The following TRPC4 variants were observed in gnomAD, a reference collection of about 807,000 sequenced individuals.
TRPC4 encodes the protein short transient receptor potential channel 4.
In TRPC4, 49 loss-of-function variants were observed where a neutral mutation model predicts 99.4. The observed-to-expected ratio is 0.49, with a 90% CI of 0.39 to 0.63. TRPC4 has a LOEUF of 0.63. TRPC4 is among the 20% of genes least tolerant of loss of function. The pLI, the probability that TRPC4 is intolerant of heterozygous loss-of-function variation, is 0.00. For synonymous variants in TRPC4, 454 were observed against 425.9 expected (o/e 1.07, Z -0.81); for missense variants, 898 against 1,152.9 (o/e 0.78, Z 3.20).
At chr13:37,696,343 A>G (rs1188672905) in intron 3 of TRPC4, among the ~76,000 whole-genome samples, 1 of 152,168 alleles carries the variant, frequency 6.6e-6, no homozygotes, top group Non-Finnish European at 1.5e-5. Flanking sequence ...TCAACTATCT[A>G]GAAAAGTGAA....
At chr13:37,676,923 G>GTA (rs58968838) in intron 4 of TRPC4, among the ~76,000 whole-genome samples, 50,988 of 150,540 alleles carry the variant, frequency 0.34, 8,933 homozygotes, top group African/African-American at 0.37. Context: ...AAATGTGTGT[G>GTA]TATATATATA....
At chr13:37,768,082 A>G (rs1268876227) in intron 2 of TRPC4, among the ~76,000 whole-genome samples, 2 of 151,382 alleles carry the variant, frequency 1.3e-5, no homozygotes, top group Admixed American at 1.3e-4. Flanking sequence ...AGTGAGAAAA[A>G]CTCCATAAAG....
At chr13:37,855,559 A>T (rs572791468) in intron 1 of TRPC4, among the ~76,000 whole-genome samples, 1 of 151,896 alleles carries the variant, frequency 6.6e-6, no homozygotes, top group South Asian at 2.1e-4. Flanking sequence ...AGAACATTTT[A>T]CCCAAAATCT....
intron 1 of TRPC4, among the ~76,000 whole-genome samples, chr13:37,799,807 T>C (rs1957357226): frequency 6.6e-6 from 1 of 152,240 alleles, no homozygotes; most frequent in African/African-American, 2.4e-5. Context: ...TATGTAAGGA[T>C]ACAATACTAA....
At chr13:37,786,372 G>T (rs888938944) in intron 1 of TRPC4, among the ~76,000 whole-genome samples, 1 of 150,454 alleles carries the variant, frequency 6.6e-6, no homozygotes, top group Non-Finnish European at 1.5e-5. Flanking sequence ...AACTTTGATG[G>T]CTAAAACCTT....
At chr13:37,833,054 C>A (rs1030085546) in intron 1 of TRPC4, among the ~76,000 whole-genome samples, 1 of 152,022 alleles carries the variant, frequency 6.6e-6, no homozygotes, top group African/African-American at 2.4e-5. Context: ...TCTGCCAGTT[C>A]ATAGTTCTTT....
In TRPC4 at chr13:37,860,582, G is replaced by A. The variant is rs573184565; in HGVS notation, c.-28+9013C>T. Among the ~76,000 whole-genome samples the A allele has an allele frequency of 6.0e-3, 902 of 151,528 alleles. 6 individuals carry two copies. The highest frequency in any genetic ancestry group is 0.01 in the Non-Finnish European group (686 of 67,488). The stretch of plus-strand genomic sequence containing the variant: ...TGGAGAACAAATAAATCAGTAATTG[G>A]ATTTCATCAGAAGGCATAATTCAAT... On this transcript the variant is annotated intron_variant, in intron 1 of 10. Transcript: ENST00000379705.
intron 1 of TRPC4, among the ~76,000 whole-genome samples, chr13:37,821,190 C>CA (rs1957996826): frequency 7.4e-5 from 10 of 135,938 alleles, no homozygotes; most frequent in African/African-American, 2.8e-4. Flanking sequence ...TTCACAATAG[C>CA]CACACACACA....
At chr13:37,693,167 AT>A (rs1255556850) in intron 3 of TRPC4, among the ~76,000 whole-genome samples, 1 of 151,728 alleles carries the variant, frequency 6.6e-6, no homozygotes, top group Non-Finnish European at 1.5e-5. Flanking sequence ...TATTTCTCAG[AT>A]TTTTTTTCTC....
At chr13:37,644,170 C>T (rs1172461130) in intron 8 of TRPC4, among the ~76,000 whole-genome samples, 1 of 151,952 alleles carries the variant, frequency 6.6e-6, no homozygotes, top group African/African-American at 2.4e-5. Context: ...ATAGAACTAC[C>T]ATCAGTTATA....
chr13:37,692,468 A>G (rs1263499939), intron 3 of TRPC4, 133 bp from the exon 4 acceptor site: 4 of 844,508 alleles, frequency 4.7e-6, no homozygotes, highest in Non-Finnish European at 7.2e-6. Context: ...TTAAACAATC[A>G]AAAGGCTTTA....
intron 7 of TRPC4, among the ~76,000 whole-genome samples, chr13:37,654,126 G>C (rs901795083): frequency 1.3e-5 from 2 of 152,080 alleles, no homozygotes; most frequent in African/African-American, 4.8e-5. Context: ...TCAGTGATGA[G>C]TGTCTTATGA....
intron 5 of TRPC4, among the ~76,000 whole-genome samples, chr13:37,673,013 G>A (rs1952908343): frequency 6.6e-6 from 1 of 151,746 alleles, no homozygotes; most frequent in African/African-American, 2.4e-5. Context: ...TGTTACATAG[G>A]TATACATGTG....
At chr13:37,808,684 C>T (rs1377874238) in intron 1 of TRPC4, among the ~76,000 whole-genome samples, 3 of 152,022 alleles carry the variant, frequency 2.0e-5, no homozygotes, top group Non-Finnish European at 2.9e-5. Context: ...AAGGGAAATA[C>T]AAAGGGCTCT....
intron 4 of TRPC4, among the ~76,000 whole-genome samples, chr13:37,686,189 GA>G (rs1953468681): frequency 6.6e-6 from 1 of 151,938 alleles, no homozygotes; most frequent in African/African-American, 2.4e-5. Flanking sequence ...CGGTGAGGCT[GA>G]AAATATGAAG....
chr13:37,724,780 A>T (rs1326629218), intron 3 of TRPC4, among the ~76,000 whole-genome samples: 1 of 152,212 alleles, frequency 6.6e-6, no homozygotes, highest in African/African-American at 2.4e-5. Flanking sequence ...AAACAAGTTA[A>T]TTTGAGAATC....
intron 1 of TRPC4, among the ~76,000 whole-genome samples, chr13:37,799,765 G>T (rs1186380206): frequency 1.3e-5 from 2 of 152,162 alleles, no homozygotes; most frequent in Non-Finnish European, 2.9e-5. Flanking sequence ...ACCCAAGAAG[G>T]TTCGATCTGA....
At chr13:37,865,953 A>C (rs986797310) in intron 1 of TRPC4, among the ~76,000 whole-genome samples, 4 of 151,766 alleles carry the variant, frequency 2.6e-5, no homozygotes, top group Admixed American at 2.0e-4. Context: ...TGCCAAGTGT[A>C]CATTAAATTC....
At chr13:37,684,013 A>G (rs2138829411) in intron 4 of TRPC4, among the ~76,000 whole-genome samples, 1 of 152,362 alleles carries the variant, frequency 6.6e-6, no homozygotes, top group South Asian at 2.1e-4. Context: ...GATAGAAAGA[A>G]GTAAAACCAT....
Sources: gnomAD v4.1 joint callset for allele counts (sites outside exome capture counted in the v4.1 genomes callset) on GRCh38, gnomAD v4.1.1 for gene constraint, MANE v1.5 for transcripts, NCBI Gene and HGNC (gene_info 2026-07-23, HGNC 2026-07-21) for gene names.